The following ITPR2 variants were observed in gnomAD, a reference collection of about 807,000 sequenced individuals.
ITPR2 encodes inositol 1,4,5-trisphosphate-gated calcium channel ITPR2.
A neutral mutation model predicts 317.1 loss-of-function variants in ITPR2; 207 were observed. The observed-to-expected ratio is 0.65, with a 90% CI of 0.58 to 0.73. The LOEUF is 0.73. ITPR2 is among the 30% of genes least tolerant of loss of function. ITPR2 has a pLI of 0.00. For synonymous variants in ITPR2, 1,156 were observed against 1,149.1 expected (o/e 1.01, Z -0.12); for missense variants, 2,613 against 3,284.0 (o/e 0.80, Z 4.99).
chr12:26,363,624 C>T (rs934976031), intron 55 of ITPR2, among the ~76,000 whole-genome samples: 1 of 152,140 alleles, frequency 6.6e-6, no homozygotes, highest in African/African-American at 2.4e-5. Context: ...TGCACTGATA[C>T]CATTTTCGTG....
intron 55 of ITPR2, among the ~76,000 whole-genome samples, chr12:26,375,175 A>G (rs762154450): frequency 8.5e-5 from 13 of 152,248 alleles, no homozygotes; most frequent in Non-Finnish European, 1.5e-4. Context: ...TTATTATTCC[A>G]GAAAGCCAAC....
At chr12:26,360,549 C>T (rs1469521757) in intron 55 of ITPR2, among the ~76,000 whole-genome samples, 1 of 152,196 alleles carries the variant, frequency 6.6e-6, no homozygotes, top group East Asian at 1.9e-4. Context: ...CTTCCACATA[C>T]TGCCAGTGAA....
intron 37 of ITPR2, among the ~76,000 whole-genome samples, chr12:26,542,572 GTC>G (rs1483233787): frequency 5.3e-5 from 8 of 152,208 alleles, no homozygotes; most frequent in African/African-American, 1.9e-4. Context: ...TGACAGTACT[GTC>G]TGATAATAAC....
chr12:26,542,649 G>A (rs559068267), intron 37 of ITPR2, among the ~76,000 whole-genome samples: 7 of 152,188 alleles, frequency 4.6e-5, no homozygotes, highest in Non-Finnish European at 8.8e-5. Flanking sequence ...GCTTAAAACT[G>A]TACCATAGCT....
chr12:26,519,012 G>A (rs1317464700), intron 37 of ITPR2, among the ~76,000 whole-genome samples: 2 of 151,930 alleles, frequency 1.3e-5, no homozygotes, highest in East Asian at 3.9e-4. Context: ...AATCTAAAGG[G>A]ACCATTTTCA....
chr12:26,565,873 AGAGGAGAGGGGAGGG>A lies in ITPR2; in HGVS notation c.4631-3936_4631-3922del, dbSNP rs1470961439. Among the ~76,000 whole-genome samples, 248 of 34,624 alleles carry A rather than the reference AGAGGAGAGGGGAGGG, an allele frequency of 7.2e-3. 9 individuals are homozygous for A. The highest frequency in any genetic ancestry group is 0.01 in the Non-Finnish European group (173 of 16,948). 22.7% of individuals were successfully genotyped at this position (34,624 alleles called of 152,430 possible). On this transcript the variant is annotated intron_variant, in intron 34 of 56. Transcript: ENST00000381340. ...AGAGGAGAGGAGAGGGGAGGGGAGG[AGAGGAGAGGGGAGGG>A]GAGGAGAGGAGAGGGGAGGGGAGGA... is the stretch of plus-strand genomic sequence containing the variant.
At chr12:26,629,814 A>G (rs7968625) in intron 22 of ITPR2, among the ~76,000 whole-genome samples, 3,726 of 151,806 alleles carry the variant, frequency 0.025, 161 homozygotes, top group African/African-American at 0.085. Context: ...TTATGGACAC[A>G]TCCTCCATGT....
chr12:26,614,512 C>T (rs115821513), intron 26 of ITPR2, among the ~76,000 whole-genome samples: 3 of 152,180 alleles, frequency 2.0e-5, no homozygotes, highest in Non-Finnish European at 4.4e-5. Flanking sequence ...TCAAAACCTG[C>T]ACCCAAATGT....
intron 45 of ITPR2, among the ~76,000 whole-genome samples, chr12:26,474,050 C>G (rs1159689710): frequency 6.6e-6 from 1 of 152,190 alleles, no homozygotes; most frequent in Non-Finnish European, 1.5e-5. Flanking sequence ...CTTTTAGAAT[C>G]TGACTCCTTC....
intron 55 of ITPR2, among the ~76,000 whole-genome samples, chr12:26,346,236 A>G (rs1591950807): frequency 6.6e-6 from 1 of 152,226 alleles, no homozygotes; most frequent in East Asian, 1.9e-4. Flanking sequence ...TCTAACAGTT[A>G]TCTATTTCTC....
intron 9 of ITPR2, among the ~76,000 whole-genome samples, chr12:26,707,110 G>A (rs563748353): frequency 5.3e-5 from 8 of 152,234 alleles, no homozygotes; most frequent in South Asian, 2.1e-4. Flanking sequence ...ATTGTGCCGC[G>A]CTGTCTTCCG....
intron 13 of ITPR2, among the ~76,000 whole-genome samples, chr12:26,669,807 T>G (rs1330249601): frequency 1.3e-5 from 2 of 151,748 alleles, no homozygotes; most frequent in African/African-American, 4.8e-5. Context: ...AAGAAAGAGG[T>G]GAAAGATAGC....
intron 33 of ITPR2, 66 bp from the exon 34 acceptor site, chr12:26,578,899 A>C: frequency 1.4e-6 from 2 of 1,461,174 alleles, no homozygotes; most frequent in Middle Eastern, 3.6e-4. Context: ...TGTAGCATCT[A>C]TGCATTCTCA....
intron 37 of ITPR2, among the ~76,000 whole-genome samples, chr12:26,519,287 T>G (rs1223631595): frequency 6.6e-6 from 1 of 152,182 alleles, no homozygotes; most frequent in African/African-American, 2.4e-5. Flanking sequence ...TGTGTTTGTG[T>G]GTTGGTGAAT....
chr12:26,768,625 C>T (rs1380211292), intron 2 of ITPR2, among the ~76,000 whole-genome samples: 1 of 135,278 alleles, frequency 7.4e-6, no homozygotes, highest in Non-Finnish European at 1.5e-5. Context: ...GTTCCTCTAG[C>T]AAGCATTTCT....
chr12:26,380,654 A>G (rs1939482073), intron 55 of ITPR2, among the ~76,000 whole-genome samples: 1 of 152,240 alleles, frequency 6.6e-6, no homozygotes, highest in African/African-American at 2.4e-5. Flanking sequence ...GAAGTAATAG[A>G]ACAGAACATA....
intron 56 of ITPR2, among the ~76,000 whole-genome samples, chr12:26,339,687 C>T (rs1938041133): frequency 6.6e-6 from 1 of 152,176 alleles, no homozygotes; most frequent in South Asian, 2.1e-4. Context: ...GGTTAGGAAG[C>T]AGGAGCCATT....
intron 23 of ITPR2, among the ~76,000 whole-genome samples, 165 bp downstream of exon 23, chr12:26,627,868 C>A (rs563155279): frequency 2.0e-5 from 3 of 151,956 alleles, no homozygotes; most frequent in African/African-American, 7.3e-5. Flanking sequence ...ACGTGTATAC[C>A]TATGTAACAA....
intron 13 of ITPR2, among the ~76,000 whole-genome samples, chr12:26,672,862 G>A (rs1383929312): frequency 6.6e-6 from 1 of 151,704 alleles, no homozygotes; most frequent in Non-Finnish European, 1.5e-5. Flanking sequence ...AAATGATAAA[G>A]GGGATATCAC....
Sources: gnomAD v4.1 joint callset for allele counts (sites outside exome capture counted in the v4.1 genomes callset) on GRCh38, gnomAD v4.1.1 for gene constraint, MANE v1.5 for transcripts, NCBI Gene and HGNC (gene_info 2026-07-23, HGNC 2026-07-21) for gene names.